Variants in PDZRN4 observed in about 807,000 individuals in gnomAD.
PDZRN4 encodes PDZ domain containing ring finger 4.
PDZRN4 carries 70 observed loss-of-function variants against 99.0 expected under a neutral mutation model. That is an observed-to-expected ratio of 0.71 (90% CI 0.58 to 0.86). The LOEUF (loss-of-function observed/expected upper bound fraction) is 0.86. Ranked by LOEUF, PDZRN4 falls within the 40% of genes least tolerant of loss-of-function variation. The pLI, the probability that PDZRN4 is intolerant of heterozygous loss-of-function variation, is 0.00. For missense variants in PDZRN4, 1,474 were observed against 1,331.2 expected (o/e 1.11, Z -1.67); for synonymous variants, 551 against 501.6 (o/e 1.10, Z -1.32).
chr12:41,393,461 C>T (rs1256126662), intron 3 of PDZRN4, among the ~76,000 whole-genome samples: 2 of 151,578 alleles, frequency 1.3e-5, no homozygotes, highest in Admixed American at 1.3e-4. Flanking sequence ...TGTATGACTT[C>T]TTAGGGTCTT....
intron 3 of PDZRN4, among the ~76,000 whole-genome samples, chr12:41,295,683 T>A (rs1333108549): frequency 6.6e-6 from 1 of 152,178 alleles, no homozygotes; most frequent in Non-Finnish European, 1.5e-5. Flanking sequence ...GAATGTGATA[T>A]AACATGTCTG....
chr12:41,245,478 T>C (rs1229564510), intron 3 of PDZRN4, among the ~76,000 whole-genome samples: 1 of 152,134 alleles, frequency 6.6e-6, no homozygotes, highest in African/African-American at 2.4e-5. Flanking sequence ...ACCCCTCTAG[T>C]AGAGTCCTAT....
chr12:41,287,722 C>G (rs941524195), intron 3 of PDZRN4, among the ~76,000 whole-genome samples: 2 of 152,188 alleles, frequency 1.3e-5, no homozygotes, highest in African/African-American at 4.8e-5. Flanking sequence ...AAGAACTCTT[C>G]TTTCATAAAT....
At chr12:41,320,455 A>C (rs1162610948) in intron 3 of PDZRN4, among the ~76,000 whole-genome samples, 2 of 152,232 alleles carry the variant, frequency 1.3e-5, no homozygotes, top group African/African-American at 4.8e-5. Flanking sequence ...TAACAATTCA[A>C]GAAGAGCTTT....
At position 41,322,628 on chromosome 12, in the gene PDZRN4, C is replaced by A. The variant is rs758504354; in HGVS notation, c.843+128440C>A. Among the ~76,000 whole-genome samples, 3 of 150,448 alleles carry A rather than the reference C, an allele frequency of 2.0e-5. No individual in the cohort carries two copies. The Admixed American group carries it at 2.0e-4, about 10-fold the overall frequency. On this transcript the variant is annotated intron_variant, in intron 3 of 9. Transcript: ENST00000402685. The stretch of plus-strand genomic sequence containing the variant: ...GCCCCAGCCTCCTGAGTAGCTGGGA[C>A]TACAGGTGCCCACCACCACGCCCGG...
chr12:41,432,747 T>C (rs1045099848), intron 3 of PDZRN4, among the ~76,000 whole-genome samples: 3 of 152,178 alleles, frequency 2.0e-5, no homozygotes, highest in African/African-American at 4.8e-5. Context: ...GCTGATGGGA[T>C]CAAGGAAGAA....
At chr12:41,466,933 T>C (rs1251986507) in intron 3 of PDZRN4, among the ~76,000 whole-genome samples, 2 of 152,228 alleles carry the variant, frequency 1.3e-5, no homozygotes, top group Non-Finnish European at 2.9e-5. Context: ...TCATTCCCAG[T>C]GCACGCTGCT....
intron 3 of PDZRN4, among the ~76,000 whole-genome samples, chr12:41,385,426 A>G (rs1952162317): frequency 6.6e-6 from 1 of 152,188 alleles, no homozygotes; most frequent in South Asian, 2.1e-4. Context: ...AAAACACAGC[A>G]GAAAGTAAGG....
At chr12:41,429,377 G>A (rs1359475612) in intron 3 of PDZRN4, among the ~76,000 whole-genome samples, 73 of 152,324 alleles carry the variant, frequency 4.8e-4, no homozygotes, top group Non-Finnish European at 8.8e-5. Context: ...AGTGGAGTAA[G>A]GTTATGAAAT....
intron 3 of PDZRN4, among the ~76,000 whole-genome samples, chr12:41,250,375 T>C (rs1268142544): frequency 6.6e-6 from 1 of 152,194 alleles, no homozygotes; most frequent in Non-Finnish European, 1.5e-5. Context: ...TCCACCACCA[T>C]CTTGCTTTCT....
At chr12:41,385,852 G>A (rs1952166472) in intron 3 of PDZRN4, among the ~76,000 whole-genome samples, 1 of 152,000 alleles carries the variant, frequency 6.6e-6, no homozygotes, top group South Asian at 2.1e-4. Flanking sequence ...ACCTGGCAGA[G>A]GTACAACAAA....
Position 41,415,739 on chromosome 12 carries a change from C to T in PDZRN4, c.844-90717C>T, listed in dbSNP as rs545073017. 2.0e-5 allele frequency among the ~76,000 whole-genome samples: 3 copies of T among 152,102 alleles called. No homozygotes were observed. In the East Asian group the frequency reaches 5.8e-4, roughly 29 times the overall value. ...CAGAAGGCATGCTTTGCCATAGCAA[C>T]CTTAACATTGAGTTACAGTATGTCT... On this transcript the variant is annotated intron_variant, in intron 3 of 9. Coordinates refer to ENST00000402685, the MANE Select transcript of PDZRN4 (RefSeq NM_001164595.2).
chr12:41,451,928 CTT>C (rs1952777859), intron 3 of PDZRN4, among the ~76,000 whole-genome samples: 2 of 152,116 alleles, frequency 1.3e-5, no homozygotes. Flanking sequence ...GCTTTGGCAG[CTT>C]TGAAGTATTT....
intron 3 of PDZRN4, among the ~76,000 whole-genome samples, chr12:41,490,723 T>C (rs1332651693): frequency 6.6e-6 from 1 of 152,134 alleles, no homozygotes; most frequent in Non-Finnish European, 1.5e-5. Context: ...TATTGATTTA[T>C]TAATTTATTG....
chr12:41,437,372 CTAAG>C (rs1405125929), intron 3 of PDZRN4, among the ~76,000 whole-genome samples: 1 of 151,856 alleles, frequency 6.6e-6, no homozygotes, highest in African/African-American at 2.4e-5. Context: ...GATATGTAAA[CTAAG>C]TATATTTCTG....
intron 3 of PDZRN4, among the ~76,000 whole-genome samples, chr12:41,376,904 G>A (rs1426652503): frequency 3.3e-5 from 5 of 152,054 alleles, no homozygotes; most frequent in African/African-American, 4.8e-5. Context: ...TAAATTTTGC[G>A]AGTTGTGTAA....
intron 3 of PDZRN4, among the ~76,000 whole-genome samples, chr12:41,426,516 A>G (rs1952538282): frequency 6.6e-6 from 1 of 152,214 alleles, no homozygotes; most frequent in Non-Finnish European, 1.5e-5. Flanking sequence ...TGAAAAAGGC[A>G]TGATCTTAGA....
At chr12:41,342,178 C>T (rs1951823491) in intron 3 of PDZRN4, among the ~76,000 whole-genome samples, 1 of 151,874 alleles carries the variant, frequency 6.6e-6, no homozygotes, top group Non-Finnish European at 1.5e-5. Flanking sequence ...CCCTACGTCT[C>T]ACCATATACA....
At chr12:41,381,195 A>T (rs1952122822) in intron 3 of PDZRN4, among the ~76,000 whole-genome samples, 1 of 152,150 alleles carries the variant, frequency 6.6e-6, no homozygotes, top group South Asian at 2.1e-4. Flanking sequence ...TTCAGTGTAA[A>T]TAAACCTTTT....
Sources: gnomAD v4.1 joint callset for allele counts (sites outside exome capture counted in the v4.1 genomes callset) on GRCh38, gnomAD v4.1.1 for gene constraint, MANE v1.5 for transcripts, NCBI Gene and HGNC (gene_info 2026-07-23, HGNC 2026-07-21) for gene names.